Variants in CCDC3 observed in about 807,000 individuals in gnomAD.
The protein encoded by CCDC3 is coiled-coil domain-containing protein 3.
CCDC3 carries 24 observed loss-of-function variants against 21.4 expected under a neutral mutation model. That is an observed-to-expected ratio of 1.12 (90% confidence interval 0.81 to 1.58). CCDC3 has a LOEUF of 1.58. CCDC3 is among the 40% of genes most tolerant of loss of function. The probability of loss-of-function intolerance (pLI) is 0.00; values close to 1 mark genes in which losing one functional copy is unlikely to be tolerated. For missense variants in CCDC3, 425 were observed against 360.9 expected (o/e 1.18, Z -1.44); for synonymous variants, 186 against 166.0 (o/e 1.12, Z -0.93).
At chr10:12,961,179 A>C (rs1230541489) in intron 2 of CCDC3, among the ~76,000 whole-genome samples, 1 of 152,210 alleles carries the variant, frequency 6.6e-6, no homozygotes, top group Non-Finnish European at 1.5e-5. Context: ...CATTCTGCCA[A>C]GTCAGTGGCT....
At chr10:12,993,685 G>A (rs1209930335) in intron 2 of CCDC3, among the ~76,000 whole-genome samples, 1 of 152,318 alleles carries the variant, frequency 6.6e-6, no homozygotes, top group South Asian at 2.1e-4. Context: ...ATGTTCCAAC[G>A]TGCCAAAGAT....
rs71386151 is a variant in CCDC3, at chr10:13,094,242, A to AGAT, written c.-503+4280_-503+4282dup. Reference sequence around the variant, plus strand: ...TCTTTCCCAGTGAGTTTACTTTTCAAGATGATGATGATGATGATGATGATG... The same window carrying AGAT: ...TCTTTCCCAGTGAGTTTACTTTTCAAGATGATGATGATGATGATGATGATGATG... On this transcript the variant is annotated intron_variant, in intron 3 of 6. Coordinates refer to the CCDC3 transcript ENST00000378839. Among the ~76,000 whole-genome samples, 353 of 146,852 alleles carry AGAT rather than the reference A, an allele frequency of 2.4e-3. 1 individual carries two copies. Among genetic ancestry groups the AGAT allele is most frequent in the African/African-American group, 7.6e-3 (299 of 39,562 alleles).
chr10:12,940,526 T>C lies in CCDC3; in HGVS notation c.550-41847A>G, dbSNP rs971917111. Among the ~76,000 whole-genome samples the C allele has an allele frequency of 4.6e-5, 7 of 152,148 alleles. No individual in the cohort carries two copies. The East Asian group carries it at 7.7e-4, about 17-fold the overall frequency. On this transcript the variant is annotated intron_variant, in intron 2 of 2. Coordinates refer to ENST00000378825, the MANE Select transcript of CCDC3 (RefSeq NM_031455.4). Reference sequence around the variant, plus strand: ...GGCCTGAAGTATAGTAGAAATAAGATAGGATCCGGGGTCAGATACCCAAGT... The same window carrying C: ...GGCCTGAAGTATAGTAGAAATAAGACAGGATCCGGGGTCAGATACCCAAGT...
chr10:13,057,181 C>T (rs1836691382), intron 4 of CCDC3, among the ~76,000 whole-genome samples: 1 of 152,086 alleles, frequency 6.6e-6, no homozygotes. Context: ...GTAATCCCAG[C>T]TACTCAGGGG....
chr10:12,992,133 T>C (rs1318062404), intron 2 of CCDC3, among the ~76,000 whole-genome samples: 2 of 151,736 alleles, frequency 1.3e-5, no homozygotes, highest in Non-Finnish European at 2.9e-5. Flanking sequence ...CTCACACCTA[T>C]AATCCCAGCA....
chr10:13,046,974 TC>T (rs1836537677), intron 5 of CCDC3, among the ~76,000 whole-genome samples: 1 of 150,028 alleles, frequency 6.7e-6, no homozygotes, highest in African/African-American at 2.4e-5. Context: ...AAGAAGCCAA[TC>T]CAGCAATTTG....
intron 2 of CCDC3, among the ~76,000 whole-genome samples, chr10:12,923,338 C>G (rs1007460112): frequency 6.6e-6 from 1 of 152,190 alleles, no homozygotes; most frequent in African/African-American, 2.4e-5. Flanking sequence ...TCACAAATAC[C>G]TGAATTACAG....
intron 2 of CCDC3, among the ~76,000 whole-genome samples, chr10:12,953,927 C>T (rs1251551782): frequency 6.6e-6 from 1 of 152,184 alleles, no homozygotes; most frequent in Non-Finnish European, 1.5e-5. Context: ...ACTACTCAAC[C>T]ATGACTCTGT....
intron 3 of CCDC3, among the ~76,000 whole-genome samples, chr10:13,095,118 C>T (rs139155847): frequency 1.5e-5 from 2 of 137,092 alleles, no homozygotes; most frequent in Non-Finnish European, 3.2e-5. Context: ...GGCATAGACA[C>T]GCACCTGTTT....
intron 4 of CCDC3, among the ~76,000 whole-genome samples, chr10:13,054,646 G>C (rs183882439): frequency 1.9e-4 from 29 of 152,080 alleles, no homozygotes; most frequent in Admixed American, 4.6e-4. Context: ...AGGTAACATG[G>C]CTCTCTCCTC....
intron 2 of CCDC3, among the ~76,000 whole-genome samples, chr10:12,940,100 G>A (rs538915965): frequency 6.6e-6 from 1 of 151,996 alleles, no homozygotes; most frequent in Non-Finnish European, 1.5e-5. Flanking sequence ...CTGAGAAAGT[G>A]CAGAACCCCA....
chr10:12,991,310 T>C (rs940915464), intron 2 of CCDC3, among the ~76,000 whole-genome samples: 2 of 136,256 alleles, frequency 1.5e-5, no homozygotes, highest in Non-Finnish European at 3.2e-5. Flanking sequence ...ATGTTTTTTT[T>C]GTTGTTGTTG....
chr10:13,097,357 G>A (rs1413491558), intron 3 of CCDC3, among the ~76,000 whole-genome samples: 1 of 152,204 alleles, frequency 6.6e-6, no homozygotes, highest in African/African-American at 2.4e-5. Context: ...TCTTCTAGGT[G>A]TTGAAGACGT....
chr10:12,949,457 A>T (rs1264953028), intron 2 of CCDC3, among the ~76,000 whole-genome samples: 1 of 152,202 alleles, frequency 6.6e-6, no homozygotes. Flanking sequence ...CACGGAGGCC[A>T]TGCTCAGTGG....
chr10:13,041,343 G>C (rs1836451125), intron 5 of CCDC3, among the ~76,000 whole-genome samples: 1 of 151,912 alleles, frequency 6.6e-6, no homozygotes. Context: ...TAACTATACA[G>C]ACTAAAACAC....
At chr10:12,944,187 C>T (rs1834879144) in intron 2 of CCDC3, among the ~76,000 whole-genome samples, 1 of 152,216 alleles carries the variant, frequency 6.6e-6, no homozygotes, top group South Asian at 2.1e-4. Context: ...ACAAAGCTCT[C>T]TCTCATGGGG....
At chr10:12,990,423 A>G (rs1362098307) in intron 2 of CCDC3, among the ~76,000 whole-genome samples, 1 of 152,254 alleles carries the variant, frequency 6.6e-6, no homozygotes, top group Admixed American at 6.5e-5. Flanking sequence ...AAGTTCTGAG[A>G]TGAACTATTG....
chr10:13,081,417 C>G (rs530281529), intron 3 of CCDC3, among the ~76,000 whole-genome samples: 1 of 152,212 alleles, frequency 6.6e-6, no homozygotes, highest in East Asian at 1.9e-4. Flanking sequence ...TGGGAAGGAC[C>G]CTACCTTGTG....
chr10:12,986,550 G>C (rs192638451), intron 2 of CCDC3, among the ~76,000 whole-genome samples: 1 of 152,258 alleles, frequency 6.6e-6, no homozygotes, highest in Non-Finnish European at 1.5e-5. Flanking sequence ...CAAGGCGGGC[G>C]GATCACAAGG....
Sources: gnomAD v4.1 joint callset for allele counts (sites outside exome capture counted in the v4.1 genomes callset) on GRCh38, gnomAD v4.1.1 for gene constraint, MANE v1.5 for transcripts, NCBI Gene and HGNC (gene_info 2026-07-23, HGNC 2026-07-21) for gene names.